Variants in FAM163B observed in about 807,000 individuals in gnomAD.
FAM163B encodes protein FAM163B.
In FAM163B, 4 loss-of-function variants were observed where a neutral mutation model predicts 7.6. The ratio of observed to expected loss-of-function variants is 0.52; its 90% CI spans 0.26 to 1.20. The LOEUF (loss-of-function observed/expected upper bound fraction) is 1.20. FAM163B is among the 50% of genes most tolerant of loss of function. The pLI, the probability that FAM163B is intolerant of heterozygous loss-of-function variation, is 0.14. For synonymous variants in FAM163B, 120 were observed against 111.6 expected (o/e 1.07, Z -0.47); for missense variants, 250 against 243.0 (o/e 1.03, Z -0.19).
chr9:133,600,137 C>T lies in FAM163B; in HGVS notation c.-24+8940G>A, dbSNP rs577314376. Among the ~76,000 whole-genome samples the T allele has an allele frequency of 1.4e-5, 2 of 143,102 alleles. No homozygotes were observed. The highest frequency in any genetic ancestry group is 7.0e-5 in the Admixed American group (1 of 14,340). 93.9% of individuals were successfully genotyped at this position (143,102 alleles called of 152,430 possible). A position where few individuals can be genotyped will look rare whatever the true frequency, so the allele number is the denominator to read the frequency against. On this transcript the variant is annotated intron_variant, in intron 1 of 2. Transcript: ENST00000673969. This position sits in a 1 kb window ranked among gnomAD's most constrained non-coding sequence, Gnocchi z 4.9. ...GTCTATGTGTATGTGTGTCTGTGTG[C>T]GTGTGTGAATGTATGTGTGCATGAG...
chr9:133,596,729 G>T lies in FAM163B; in HGVS notation c.-24+12348C>A, dbSNP rs9409844. Among the ~76,000 whole-genome samples the T allele has an allele frequency of 3.3e-5, 5 of 152,142 alleles. No individual in the cohort carries two copies. The East Asian group carries it at 9.6e-4, about 29-fold the overall frequency. ...GAACTGGGGAGGAGCCTGCTGCTCC[G>T]TGGGGGACCGTGGAGCCACAGGGCT... On this transcript the variant is annotated intron_variant, in intron 1 of 2. Coordinates refer to ENST00000673969, the MANE Select transcript of FAM163B (RefSeq NM_001080515.3).
chr9:133,597,836 G>A (rs760190948), intron 1 of FAM163B, among the ~76,000 whole-genome samples: 1 of 151,840 alleles, frequency 6.6e-6, no homozygotes, highest in Admixed American at 6.6e-5. Flanking sequence ...GGTGCCTTTC[G>A]AGTGCTAAAA....
intron 1 of FAM163B, among the ~76,000 whole-genome samples, chr9:133,593,189 T>G (rs9409872): frequency 0.62 from 93,825 of 152,156 alleles, 29,223 homozygotes; most frequent in Middle Eastern, 0.71. Context: ...TGAGCAAACA[T>G]CAGGGAACTG....
rs561555481 is a variant in FAM163B, at chr9:133,606,086, C to T, written c.-24+2991G>A. ...CCTGGCGGAACCGGACCCCACCTGA[C>T]TCTCCAGCCTCCTCCTTCACTGATG... On this transcript the variant is annotated intron_variant, in intron 1 of 2. Transcript: ENST00000673969. The surrounding 1 kb of genome is among the most constrained non-coding windows in gnomAD (Gnocchi z 4.0). Among the ~76,000 whole-genome samples the T allele has an allele frequency of 6.6e-6, 1 of 152,338 alleles. No individual in the cohort carries two copies. The highest frequency in any genetic ancestry group is 1.5e-5 in the Non-Finnish European group (1 of 68,024).
chr9:133,595,148 T>G (rs565079825), intron 1 of FAM163B, among the ~76,000 whole-genome samples: 55 of 152,132 alleles, frequency 3.6e-4, no homozygotes, highest in Non-Finnish European at 7.4e-4. Flanking sequence ...CATTTGTTTT[T>G]GTTTGTTATG....
At position 133,577,370 on chromosome 9, in the gene FAM163B, G is replaced by A. The variant is rs1432254429; in HGVS notation, c.*1652C>T. Among the ~76,000 whole-genome samples, 4 of 151,774 alleles carry A rather than the reference G, an allele frequency of 2.6e-5. No homozygotes were observed. Among genetic ancestry groups the A allele is most frequent in the East Asian group, 3.9e-4 (2 of 5,104 alleles). ...GAGGTGTGGGCGGGCCCGGGGGGCC[G>A]GGGCTGCGAGGGACCTCAAGGGCGA... On this transcript the variant is annotated 3_prime_UTR_variant, in exon 3 of 3. Coordinates refer to ENST00000673969, the MANE Select transcript of FAM163B (RefSeq NM_001080515.3).
At chr9:133,583,763 G>A (rs1001322323) in intron 1 of FAM163B, among the ~76,000 whole-genome samples, 1 of 152,182 alleles carries the variant, frequency 6.6e-6, no homozygotes, top group Non-Finnish European at 1.5e-5. Flanking sequence ...AGGTGCCCAG[G>A]GCTGTCAGCA....
rs758219287 is a variant in FAM163B, at chr9:133,579,045, G to A, written c.478C>T (p.Arg160Cys). 6.4e-6 allele frequency: 10 copies of A among 1,564,396 alleles called. No individual in the cohort carries two copies. In the South Asian group the frequency reaches 7.0e-5, roughly 11 times the overall value. The change falls in exon 3 of 3, where the codon CGC becomes TGC. Residue 160 changes from arginine to cysteine, a missense_variant. Physicochemically the swap from Arg to Cys is radical, Grantham distance 180 (BLOSUM62 -3). Transcript: ENST00000673969. ...GGTCACACGTCGGTGCTGATGCTGC[G>A]GCTCCTGGCGAAGGCCTCCCGCATG... ...SAMREAFARSRSISTDV is the reference protein window; with the variant it reads ...SAMREAFARSCSISTDV
chr9:133,588,652 G>T lies in FAM163B; in HGVS notation c.-23-8406C>A, dbSNP rs1588326014. Among the ~76,000 whole-genome samples, 7 of 151,734 alleles carry T rather than the reference G, an allele frequency of 4.6e-5. No homozygotes were observed. The East Asian group carries it at 7.7e-4, about 17-fold the overall frequency. ...TGTTGAGGGATCTAGCAGGTTGAAG[G>T]ATCTAGCATGCTGAGGGATCTAGCA... is the stretch of plus-strand genomic sequence containing the variant. On this transcript the variant is annotated intron_variant, in intron 1 of 2. Transcript: ENST00000673969.
chr9:133,581,881 G>A (rs1224820841), intron 1 of FAM163B, among the ~76,000 whole-genome samples: 2 of 152,290 alleles, frequency 1.3e-5, no homozygotes, highest in South Asian at 2.1e-4. Context: ...ATTCCGGGGG[G>A]TCTCCCAGCC....
intron 1 of FAM163B, among the ~76,000 whole-genome samples, chr9:133,593,151 C>T (rs543637745): frequency 6.6e-6 from 1 of 152,302 alleles, no homozygotes; most frequent in African/African-American, 2.4e-5. Context: ...AGGTTTCCCC[C>T]CCTGTATCGC....
In FAM163B at chr9:133,600,161, A is replaced by G. The variant is rs1831699418; in HGVS notation, c.-24+8916T>C. Among the ~76,000 whole-genome samples, 1 of 135,106 alleles carries G rather than the reference A, an allele frequency of 7.4e-6. No individual in the cohort carries two copies. Among genetic ancestry groups the G allele is most frequent in the Non-Finnish European group, 1.6e-5 (1 of 64,244 alleles). 88.6% of individuals were successfully genotyped at this position (135,106 alleles called of 152,430 possible). A position where few individuals can be genotyped will look rare whatever the true frequency, so the allele number is the denominator to read the frequency against. ...GCGTGTGTGAATGTATGTGTGCATG[A>G]GTGTGAGTCTGTGTGCATGTGTATG... On this transcript the variant is annotated intron_variant, in intron 1 of 2. Transcript: ENST00000673969. The surrounding 1 kb of genome is among the most constrained non-coding windows in gnomAD (Gnocchi z 4.9).
intron 1 of FAM163B, among the ~76,000 whole-genome samples, chr9:133,588,616 A>G (rs375172689): frequency 1.8e-4 from 19 of 104,390 alleles, no homozygotes; most frequent in African/African-American, 2.6e-4. Context: ...AGGATGCTGA[A>G]GGATCTAGCA....
chr9:133,581,979 C>T (rs1294284850), intron 1 of FAM163B, among the ~76,000 whole-genome samples: 1 of 152,220 alleles, frequency 6.6e-6, no homozygotes, highest in Non-Finnish European at 1.5e-5. Context: ...ATCCTTCTTT[C>T]CACGTTTATG....
chr9:133,581,754 CT>C (rs2131216496), intron 1 of FAM163B, among the ~76,000 whole-genome samples: 1 of 152,332 alleles, frequency 6.6e-6, no homozygotes, highest in Non-Finnish European at 1.5e-5. Context: ...TGTTTCTCCT[CT>C]AAACTGGCTT....
chr9:133,608,884 G>A (rs953069291), intron 1 of FAM163B, among the ~76,000 whole-genome samples, 193 bp downstream of exon 1: 1 of 152,238 alleles, frequency 6.6e-6, no homozygotes, highest in Non-Finnish European at 1.5e-5. Flanking sequence ...CTGGGTCTCA[G>A]TCTCCTCCTC....
In FAM163B at chr9:133,600,039, CTG is replaced by C; in HGVS notation, c.-24+9036_-24+9037del. The stretch of plus-strand genomic sequence containing the variant: ...GCATTTGTGTGCATGTATGTGTGGT[CTG>C]TGTGGATGTGTGTGAGTTTGTGTGT... On this transcript the variant is annotated intron_variant, in intron 1 of 2. Transcript: ENST00000673969. This position sits in a 1 kb window ranked among gnomAD's most constrained non-coding sequence, Gnocchi z 4.9. 7.7e-6 allele frequency among the ~76,000 whole-genome samples: 1 copy of C among 130,352 alleles called. No homozygotes were observed. Among genetic ancestry groups the C allele is most frequent in the Non-Finnish European group, 1.6e-5 (1 of 62,294 alleles). The allele number at this position is 130,352 out of a possible 152,430, so 85.5% of individuals were successfully genotyped here. A position where few individuals can be genotyped will look rare whatever the true frequency, so the allele number is the denominator to read the frequency against.
At chr9:133,591,043 G>T (rs1831545083) in intron 1 of FAM163B, among the ~76,000 whole-genome samples, 1 of 152,196 alleles carries the variant, frequency 6.6e-6, no homozygotes, top group African/African-American at 2.4e-5. Context: ...TCTGGATAGG[G>T]CAGGGCCCAG....
rs890914774 is a variant in FAM163B at position 133,606,668 on chromosome 9, C to G, written c.-24+2409G>C. Among the ~76,000 whole-genome samples, 4 of 152,202 alleles carry G rather than the reference C, an allele frequency of 2.6e-5. No homozygotes were observed. Among genetic ancestry groups the G allele is most frequent in the Non-Finnish European group, 5.9e-5 (4 of 68,044 alleles). Reference sequence around the variant, plus strand: ...CACAAATTGCCATTTTACCAACACACAGATCAGGACTTGCTACTCTGAAGA... The same window carrying G: ...CACAAATTGCCATTTTACCAACACAGAGATCAGGACTTGCTACTCTGAAGA... On this transcript the variant is annotated intron_variant, in intron 1 of 2. Coordinates refer to ENST00000673969, the MANE Select transcript of FAM163B (RefSeq NM_001080515.3). The surrounding 1 kb of genome is among the most constrained non-coding windows in gnomAD (Gnocchi z 4.0).
Sources: gnomAD v4.1 joint callset for allele counts (sites outside exome capture counted in the v4.1 genomes callset) on GRCh38, gnomAD v4.1.1 for gene constraint, Gnocchi (gnomAD v3.1) non-coding constraint, MANE v1.5 for transcripts, NCBI Gene and HGNC (gene_info 2026-07-23, HGNC 2026-07-21) for gene names.